The following UGT1A7 variants were observed in gnomAD, a reference collection of about 807,000 sequenced individuals.
UGT1A7 encodes the protein UDP-glucuronosyltransferase 1A7.
A neutral mutation model predicts 45.6 loss-of-function variants in UGT1A7; 33 were observed. That is an observed-to-expected ratio of 0.72 (90% confidence interval 0.55 to 0.97). The LOEUF is 0.97. UGT1A7 is among the 50% of genes least tolerant of loss of function. The pLI, the probability that UGT1A7 is intolerant of heterozygous loss-of-function variation, is 0.00. For synonymous variants in UGT1A7, 274 were observed against 250.6 expected (o/e 1.09, Z -0.88); for missense variants, 684 against 666.2 (o/e 1.03, Z -0.29).
chr2:233,762,967 G>A (rs568860226), intron 1 of UGT1A7, among the ~76,000 whole-genome samples: 7 of 152,218 alleles, frequency 4.6e-5, no homozygotes, highest in Admixed American at 6.5e-5. Context: ...AAAGATGCCC[G>A]TCTTGCTGCT....
At position 233,698,499 on chromosome 2, in the gene UGT1A7, G is replaced by A. The variant is rs547342944; in HGVS notation, c.855+15707G>A. Among the ~76,000 whole-genome samples, 3 of 152,270 alleles carry A rather than the reference G, an allele frequency of 2.0e-5. No homozygotes were observed. In the South Asian group the frequency reaches 6.2e-4, roughly 32 times the overall value. ...AGCTTAAAAATGCAGTCCTCATTAG[G>A]CAAATCACATAATCGGCAATACATA... On this transcript the variant is annotated intron_variant, in intron 1 of 4. Transcript: ENST00000373426.
intron 1 of UGT1A7, chr2:233,718,918 T>C (rs778450561): frequency 2.5e-6 from 4 of 1,614,094 alleles, no homozygotes; most frequent in Non-Finnish European, 3.4e-6. Context: ...AAGGTGTTGG[T>C]GGTGCCCACT....
chr2:233,686,969 A>C (rs6753320), intron 1 of UGT1A7, among the ~76,000 whole-genome samples: 59,757 of 152,040 alleles, frequency 0.39, 11,937 homozygotes, highest in South Asian at 0.45. Flanking sequence ...TTAGCAAGGC[A>C]GGGAAGTTGT....
intron 1 of UGT1A7, among the ~76,000 whole-genome samples, chr2:233,728,574 G>A (rs45507691): frequency 0.037 from 5,630 of 152,284 alleles, 132 homozygotes; most frequent in Non-Finnish European, 0.057. Flanking sequence ...ATCCTGGTGC[G>A]AAAAACGACC....
At chr2:233,719,614 A>C in intron 1 of UGT1A7, 3 of 1,613,882 alleles carry the variant, frequency 1.9e-6, no homozygotes, top group Non-Finnish European at 2.5e-6. Context: ...GTGATGGACT[A>C]CCCCAGGCCG....
chr2:233,761,524 A>G (rs1388397599), intron 1 of UGT1A7, among the ~76,000 whole-genome samples: 1 of 152,234 alleles, frequency 6.6e-6, no homozygotes, highest in Non-Finnish European at 1.5e-5. Flanking sequence ...AATGTTCAGG[A>G]CTGATGAAAT....
At chr2:233,759,133 C>T (rs973211945) in intron 1 of UGT1A7, among the ~76,000 whole-genome samples, 1 of 152,206 alleles carries the variant, frequency 6.6e-6, no homozygotes, top group African/African-American at 2.4e-5. Flanking sequence ...CTCTGGTACG[C>T]AATGAAGGTG....
chr2:233,768,192 CT>C, intron 3 of UGT1A7, 27 bp from the exon 4 acceptor site: 1 of 1,614,080 alleles, frequency 6.2e-7, no homozygotes, highest in Non-Finnish European at 8.5e-7. Context: ...GATGTAACTG[CT>C]GACATCCTCC....
In UGT1A7 at chr2:233,755,391, C is replaced by G. The variant is rs115647781; in HGVS notation, c.856-11643C>G. 7.3e-3 allele frequency: 2,499 copies of G among 343,022 alleles called. 14 individuals carry two copies. The highest frequency in any genetic ancestry group is 0.01 in the Non-Finnish European group (1,783 of 176,380). 21.2% of individuals were successfully genotyped at this position (343,022 alleles called of 1,614,324 possible). A position where few individuals can be genotyped will look rare whatever the true frequency, so the allele number is the denominator to read the frequency against. On this transcript the variant is annotated intron_variant, in intron 1 of 4. Coordinates refer to ENST00000373426, the MANE Select transcript of UGT1A7 (RefSeq NM_019077.3). ...TGGAGGGCCGCCCCTTATGACGCAGCCACATCTCATTGGCCGAGGCCTGTG... is the reference window on the plus strand; with the variant it reads ...TGGAGGGCCGCCCCTTATGACGCAGGCACATCTCATTGGCCGAGGCCTGTG...
chr2:233,689,946 CT>C (rs1231536874), intron 1 of UGT1A7: 1 of 456,410 alleles, frequency 2.2e-6, no homozygotes. Context: ...CAAGATTTTC[CT>C]TTATTTCCAT....
At chr2:233,771,313 C>G (rs1428095504) in intron 4 of UGT1A7, 1 of 152,138 alleles carries the variant, frequency 6.6e-6, no homozygotes, top group Non-Finnish European at 1.5e-5. Context: ...CCTTTTCCCT[C>G]TCCTCTTCAA....
At chr2:233,746,331 A>G (rs1482608381) in intron 1 of UGT1A7, among the ~76,000 whole-genome samples, 1 of 151,784 alleles carries the variant, frequency 6.6e-6, no homozygotes, top group Non-Finnish European at 1.5e-5. Context: ...TCTACAGGGC[A>G]ATGGACATGT....
chr2:233,732,649 T>A (rs1277173996), intron 1 of UGT1A7, among the ~76,000 whole-genome samples: 1 of 152,232 alleles, frequency 6.6e-6, no homozygotes, highest in Admixed American at 6.5e-5. Context: ...ACCACTGTTC[T>A]GCTCCATTGG....
At chr2:233,688,394 G>A (rs1649159658) in intron 1 of UGT1A7, among the ~76,000 whole-genome samples, 1 of 152,186 alleles carries the variant, frequency 6.6e-6, no homozygotes, top group African/African-American at 2.4e-5. Context: ...AAACCCTGAT[G>A]TTCTAATTTT....
intron 1 of UGT1A7, among the ~76,000 whole-genome samples, chr2:233,697,572 AT>A (rs2075399360): frequency 7.4e-6 from 1 of 134,904 alleles, no homozygotes; most frequent in Non-Finnish European, 1.6e-5. Flanking sequence ...AATTTAATTT[AT>A]TTTTTCCCTG....
At chr2:233,762,774 G>T (rs1698159939) in intron 1 of UGT1A7, among the ~76,000 whole-genome samples, 2 of 149,604 alleles carry the variant, frequency 1.3e-5, no homozygotes, top group Non-Finnish European at 1.5e-5. Flanking sequence ...TCTATCTCTA[G>T]CTGATTATCT....
At chr2:233,690,490 TC>T in intron 1 of UGT1A7, 2 of 1,289,746 alleles carry the variant, frequency 1.6e-6, no homozygotes, top group Non-Finnish European at 2.0e-6. Context: ...GGAAATCTGC[TC>T]TTGCCAACAG....
rs368511777 is a variant in UGT1A7 at position 233,719,318 on chromosome 2, G to A, written c.855+36526G>A. 1.9e-5 allele frequency: 30 copies of A among 1,613,836 alleles called. No individual in the cohort carries two copies. In the East Asian group the frequency reaches 2.5e-4, roughly 13 times the overall value. On this transcript the variant is annotated intron_variant, in intron 1 of 4. Transcript: ENST00000373426. ...GGGCGGTGCTGGCTAAGTACCTGTC[G>A]ATTCCTGCTGTGTTTTTTTGGAGGT...
At chr2:233,732,233 T>C (rs2078252612) in intron 1 of UGT1A7, among the ~76,000 whole-genome samples, 1 of 152,264 alleles carries the variant, frequency 6.6e-6, no homozygotes, top group South Asian at 2.1e-4. Context: ...TCTCCCATTC[T>C]GTAGGTTGCC....
Sources: gnomAD v4.1 joint callset for allele counts (sites outside exome capture counted in the v4.1 genomes callset) on GRCh38, gnomAD v4.1.1 for gene constraint, MANE v1.5 for transcripts, NCBI Gene and HGNC (gene_info 2026-07-23, HGNC 2026-07-21) for gene names.